Variants in NAA60 observed in about 807,000 individuals in gnomAD.
The protein encoded by NAA60 is N-alpha-acetyltransferase 60, NatF catalytic subunit.
In NAA60, 8 loss-of-function variants were observed where a neutral mutation model predicts 26.1. The observed-to-expected ratio is 0.31, with a 90% confidence interval of 0.18 to 0.55. The LOEUF is 0.55. NAA60 is among the 20% of genes least tolerant of loss of function. The pLI is 0.93. For synonymous variants in NAA60, 131 were observed against 122.5 expected (o/e 1.07, Z -0.46); for missense variants, 290 against 311.3 (o/e 0.93, Z 0.51).
rs2240075 is a variant in NAA60 at position 3,485,540 on chromosome 16, G to A, written c.*280G>A. On this transcript the variant is annotated 3_prime_UTR_variant, in exon 8 of 8. Transcript: ENST00000407558. The stretch of plus-strand genomic sequence containing the variant: ...GGCCCTGCCCCCCTGCGCATGCACC[G>A]TCCCCAGGGCTGACCCAGTGTGGCT... 0.66 allele frequency: 301,352 copies of A among 454,220 alleles called. 102,865 individuals carry two copies. The highest frequency in any genetic ancestry group is 0.73 in the Non-Finnish European group (164,013 of 225,378). 28.1% of individuals were successfully genotyped at this position (454,220 alleles called of 1,614,324 possible). A position where few individuals can be genotyped will look rare whatever the true frequency, so the allele number is the denominator to read the frequency against.
At chr16:3,468,156 C>G (rs1176291328) in intron 2 of NAA60, 1 of 152,162 alleles carries the variant, frequency 6.6e-6, no homozygotes, top group Non-Finnish European at 1.5e-5. Context: ...CAATCAGAGG[C>G]TGAAGTGAAA....
At chr16:3,483,273 C>G in intron 5 of NAA60, 90 bp from the exon 6 acceptor site, 1 of 946,450 alleles carries the variant, frequency 1.1e-6, no homozygotes, top group South Asian at 1.4e-5. Flanking sequence ...GAGACATCTC[C>G]GAGAGACTCA....
At chr16:3,483,937 A>C (rs2151022522) in intron 6 of NAA60, 2 of 323,094 alleles carry the variant, frequency 6.2e-6, no homozygotes, top group Non-Finnish European at 1.1e-5. Context: ...CAGTGCACAA[A>C]ACGGACAGGA....
At chr16:3,462,142 A>T (rs901975721) in intron 2 of NAA60, among the ~76,000 whole-genome samples, 1 of 147,570 alleles carries the variant, frequency 6.8e-6, no homozygotes, top group Non-Finnish European at 1.5e-5. Context: ...AGTTACTGTT[A>T]TTAAAAAGCA....
chr16:3,468,951 T>C (rs895155928), intron 2 of NAA60, among the ~76,000 whole-genome samples: 3 of 152,138 alleles, frequency 2.0e-5, no homozygotes, highest in African/African-American at 7.2e-5. Flanking sequence ...CTGGTTGTGG[T>C]GGCACATGCC....
chr16:3,446,966 C>G (rs774082194), intron 1 of NAA60, among the ~76,000 whole-genome samples: 3 of 151,852 alleles, frequency 2.0e-5, no homozygotes, highest in African/African-American at 4.8e-5. Flanking sequence ...CTCAGCCTCC[C>G]GAGTAGCTGG....
intron 4 of NAA60, among the ~76,000 whole-genome samples, chr16:3,480,668 G>A (rs1336947809): frequency 2.7e-5 from 4 of 150,386 alleles, no homozygotes; most frequent in East Asian, 2.0e-4. Context: ...CTATAACCCC[G>A]GCATTTTGGG....
chr16:3,468,912 C>G (rs1194316086), intron 2 of NAA60, among the ~76,000 whole-genome samples: 2 of 152,112 alleles, frequency 1.3e-5, no homozygotes, highest in Non-Finnish European at 2.9e-5. Flanking sequence ...GGCCAACAAC[C>G]TTGTCTCTAC....
chr16:3,484,724 G>A lies in NAA60; in HGVS notation c.598G>A (p.Ala200Thr), dbSNP rs756355601. Reference protein sequence around the residue: ...ILDYIQHLGSALASLSPCSIP... With the variant: ...ILDYIQHLGSTLASLSPCSIP... The stretch of plus-strand genomic sequence containing the variant: ...GGACTACATCCAGCACCTGGGCTCT[G>A]CACTAGCCAGCCTGAGCCCCTGCTC... The change falls in exon 7 of 8, where the codon GCA becomes ACA. Residue 200 changes from alanine to threonine, a missense_variant. Physicochemically the swap from Ala to Thr is moderately conservative, Grantham distance 58. Coordinates refer to ENST00000407558, the MANE Select transcript of NAA60 (RefSeq NM_001083601.3). 6.3e-7 allele frequency: 1 copy of A among 1,594,392 alleles called. No homozygotes were observed. Among genetic ancestry groups the A allele is most frequent in the Non-Finnish European group, 8.5e-7 (1 of 1,171,560 alleles).
chr16:3,458,236 G>C (rs1002109211), intron 2 of NAA60: 9 of 968,012 alleles, frequency 9.3e-6, no homozygotes, highest in African/African-American at 1.8e-5. Context: ...GGCGCCGAGG[G>C]GGCGGGGTAG....
At position 3,443,702 on chromosome 16, in the gene NAA60, C is replaced by G; in HGVS notation, c.-212C>G. ...TTTCCGCTTCCGCTGGCGGGGTCTC[C>G]TCCGTGAGCTCCGGGCCTGTTTGCC... On this transcript the variant is annotated 5_prime_UTR_variant, in exon 1 of 8. Transcript: ENST00000407558. The G allele has an allele frequency of 5.6e-6, 8 of 1,428,768 alleles. No homozygotes were observed. Among genetic ancestry groups the G allele is most frequent in the Non-Finnish European group, 7.3e-6 (8 of 1,092,966 alleles). The allele number at this position is 1,428,768 out of a possible 1,614,324, so 88.5% of individuals were successfully genotyped here.
rs114765337 is a variant in NAA60, at chr16:3,464,831, T to G, written c.-6-11391T>G. Among the ~76,000 whole-genome samples, 863 of 152,316 alleles carry G rather than the reference T, an allele frequency of 5.7e-3. 9 individuals carry two copies. The highest frequency in any genetic ancestry group is 0.019 in the African/African-American group (773 of 41,560). On this transcript the variant is annotated intron_variant, in intron 2 of 7. Coordinates refer to ENST00000407558, the MANE Select transcript of NAA60 (RefSeq NM_001083601.3). ...AGGCGGTTGCCTGCAAGATCCCAGC[T>G]GAAAGCATCGCTGGGACAAAGGTGA...
At chr16:3,450,155 C>T in intron 2 of NAA60, 1 of 369,446 alleles carries the variant, frequency 2.7e-6, no homozygotes, top group Non-Finnish European at 4.8e-6. Context: ...ATAAACCCTT[C>T]AGAACCATGA....
intron 2 of NAA60, among the ~76,000 whole-genome samples, chr16:3,474,886 G>A (rs758988001): frequency 3.5e-4 from 53 of 152,174 alleles, no homozygotes; most frequent in Non-Finnish European, 4.9e-4. Context: ...GATGAACTAC[G>A]CAGTTCCTCC....
intron 4 of NAA60, among the ~76,000 whole-genome samples, chr16:3,480,658 C>A (rs55989968): frequency 7.1e-6 from 1 of 141,836 alleles, no homozygotes; most frequent in African/African-American, 2.7e-5. Context: ...TGGCTCACAC[C>A]TATAACCCCG....
intron 2 of NAA60, chr16:3,458,271 G>T (rs925186778): frequency 2.5e-4 from 214 of 846,288 alleles, no homozygotes; most frequent in Non-Finnish European, 2.9e-4. Flanking sequence ...CCGGGGTCAG[G>T]GGGGCCAGCG....
chr16:3,480,469 C>T (rs1344920914), intron 4 of NAA60, among the ~76,000 whole-genome samples: 2 of 151,102 alleles, frequency 1.3e-5, no homozygotes, highest in East Asian at 1.9e-4. Flanking sequence ...TGGTGGCAGG[C>T]GCCTATAATC....
chr16:3,481,485 G>A (rs1214216836), intron 4 of NAA60, among the ~76,000 whole-genome samples: 1 of 151,990 alleles, frequency 6.6e-6, no homozygotes, highest in Non-Finnish European at 1.5e-5. Context: ...AGTGCCCCCT[G>A]GTGACTGTGT....
chr16:3,479,667 T>C (rs2036702115), intron 4 of NAA60, 67 bp downstream of exon 4: 2 of 1,570,314 alleles, frequency 1.3e-6, no homozygotes, highest in Middle Eastern at 1.9e-4. Flanking sequence ...GGGCTTGCGA[T>C]GGAATCATGC....
Sources: gnomAD v4.1 joint callset for allele counts (sites outside exome capture counted in the v4.1 genomes callset) on GRCh38, gnomAD v4.1.1 for gene constraint, MANE v1.5 for transcripts, NCBI Gene and HGNC (gene_info 2026-07-23, HGNC 2026-07-21) for gene names.